Variants in BRPF3 observed in about 807,000 individuals in gnomAD.
BRPF3 encodes the protein bromodomain and PHD finger containing 3, also known as bromodomain and PHD finger-containing protein 3.
BRPF3 carries 18 observed loss-of-function variants against 102.0 expected under a neutral mutation model. The observed-to-expected ratio is 0.18, with a 90% confidence interval of 0.12 to 0.26. The LOEUF is 0.26. BRPF3 is among the 10% of genes least tolerant of loss of function. The probability of loss-of-function intolerance (pLI) is 1.00; values close to 1 mark genes in which losing one functional copy is unlikely to be tolerated. For synonymous variants in BRPF3, 570 were observed against 614.2 expected (o/e 0.93, Z 1.06); for missense variants, 1,147 against 1,567.8 (o/e 0.73, Z 4.53).
Position 36,212,691 on chromosome 6 carries a change from C to G in BRPF3, c.2482+1131C>G, listed in dbSNP as rs141159523. Among the ~76,000 whole-genome samples, 862 of 152,114 alleles carry G rather than the reference C, an allele frequency of 5.7e-3. 8 individuals carry two copies. Among genetic ancestry groups the G allele is most frequent in the Middle Eastern group, 0.031 (9 of 294 alleles). ...AGTTTCGGCCGGGCGCGGTGGCTCA[C>G]GCCTGTAATCCCAGCACTTTGGGAG... On this transcript the variant is annotated intron_variant, in intron 7 of 12. Transcript: ENST00000357641.
intron 10 of BRPF3, among the ~76,000 whole-genome samples, chr6:36,223,590 C>T (rs1189052378): frequency 6.6e-6 from 1 of 152,180 alleles, no homozygotes; most frequent in Non-Finnish European, 1.5e-5. Flanking sequence ...AACACATGCA[C>T]TTTTGTATTC....
chr6:36,224,044 T>A (rs1008610512), intron 10 of BRPF3, among the ~76,000 whole-genome samples: 6 of 152,214 alleles, frequency 3.9e-5, no homozygotes, highest in Non-Finnish European at 1.5e-5. Context: ...AAATAGTATC[T>A]TATAATTTTA....
chr6:36,217,905 T>C lies in BRPF3; in HGVS notation c.2990-12T>C. On this transcript the variant is annotated splice_polypyrimidine_tract_variant and intron_variant, in intron 8 of 12. Coordinates refer to ENST00000357641, the MANE Select transcript of BRPF3 (RefSeq NM_015695.3). ...TTTCTGCACTCAGACTCACTGTGTG[T>C]GTCCTTGGCAGGCATGACCAACGGC... The C allele has an allele frequency of 6.2e-7, 1 of 1,612,240 alleles. No homozygotes were observed. The highest frequency in any genetic ancestry group is 1.1e-5 in the South Asian group (1 of 90,868).
Position 36,201,740 on chromosome 6 carries a change from T to A in BRPF3, c.1418T>A (p.Met473Lys), listed in dbSNP as rs779083604. 3.7e-6 allele frequency: 6 copies of A among 1,611,176 alleles called. No homozygotes were observed. The highest frequency in any genetic ancestry group is 5.1e-6 in the Non-Finnish European group (6 of 1,178,434). The change falls in exon 2 of 13, where the codon ATG becomes AAG. Residue 473 changes from methionine to lysine, a missense_variant. Met to Lys is a moderately conservative substitution (Grantham distance 95). Around this residue, in one of 11 missense-constraint regions of BRPF3, gnomAD observed 157 missense variants for 163.6 expected, o/e 0.96. Coordinates refer to ENST00000357641, the MANE Select transcript of BRPF3 (RefSeq NM_015695.3). The surrounding 1 kb of genome is among the most constrained non-coding windows in gnomAD (Gnocchi z 5.1). ...AGQDTPSTLP[M>K]LAVPQIPSYR... Reference sequence around the variant, plus strand: ...CAAGACACACCCTCCACTCTCCCCATGCTTGCTGTCCCACAGATACCCTCT... The same window carrying A: ...CAAGACACACCCTCCACTCTCCCCAAGCTTGCTGTCCCACAGATACCCTCT...
intron 3 of BRPF3, among the ~76,000 whole-genome samples, chr6:36,205,928 C>T (rs573572004): frequency 2.0e-5 from 3 of 152,046 alleles, no homozygotes; most frequent in Admixed American, 6.5e-5. Context: ...ATCTTTTTTC[C>T]TCTCAGTAAA....
Position 36,203,581 on chromosome 6 carries a change from G to A in BRPF3, c.1449-1077G>A, listed in dbSNP as rs528347971. On this transcript the variant is annotated intron_variant, in intron 2 of 12. Transcript: ENST00000357641. ...CTTGATTTTATAAGCTTGGCTTTGG[G>A]GCAGGAATGTCTGACTGTGGAGAGG... is the stretch of plus-strand genomic sequence containing the variant. 5.9e-5 allele frequency among the ~76,000 whole-genome samples: 9 copies of A among 152,300 alleles called. No homozygotes were observed. In the South Asian group the frequency reaches 1.4e-3, roughly 25 times the overall value.
rs759896897 is a variant in BRPF3 at position 36,230,623 on chromosome 6, C to T, written c.*14C>T. 1 of 1,611,106 alleles carries T rather than the reference C, an allele frequency of 6.2e-7. No homozygotes were observed. The highest frequency in any genetic ancestry group is 1.7e-5 in the Admixed American group (1 of 59,886). On this transcript the variant is annotated 3_prime_UTR_variant, in exon 13 of 13. Coordinates refer to ENST00000357641, the MANE Select transcript of BRPF3 (RefSeq NM_015695.3). The surrounding 1 kb of genome is among the most constrained non-coding windows in gnomAD (Gnocchi z 5.4). ...AGCTACCTGTAAGGGCAGGGCTGGG[C>T]CTGCATCCGCTTGCCCTGCCTCCAT...
intron 4 of BRPF3, among the ~76,000 whole-genome samples, chr6:36,208,101 T>C (rs1473456154): frequency 6.6e-6 from 1 of 152,232 alleles, no homozygotes; most frequent in African/African-American, 2.4e-5. Context: ...AAGGTTGTTT[T>C]GAGGATTAGA....
At position 36,217,892 on chromosome 6, in the gene BRPF3, G is replaced by A. The variant is rs746075530; in HGVS notation, c.2990-25G>A. On this transcript the variant is annotated intron_variant, in intron 8 of 12. Transcript: ENST00000357641. ...TTGGGAAGGGGGATTTCTGCACTCA[G>A]ACTCACTGTGTGTGTCCTTGGCAGG... 6 of 1,608,540 alleles carry A rather than the reference G, an allele frequency of 3.7e-6. No homozygotes were observed. In the Admixed American group the frequency reaches 8.4e-5, roughly 22 times the overall value.
chr6:36,225,762 T>A (rs1224733795), intron 11 of BRPF3, among the ~76,000 whole-genome samples: 1 of 152,230 alleles, frequency 6.6e-6, no homozygotes, highest in East Asian at 1.9e-4. Context: ...TGATGATTTG[T>A]GGTCATTCAG....
In BRPF3 at chr6:36,212,572, G is replaced by GAA. The variant is rs1013260246; in HGVS notation, c.2482+1033_2482+1034dup. 6.4e-3 allele frequency among the ~76,000 whole-genome samples: 289 copies of GAA among 44,900 alleles called. 2 individuals are homozygous for GAA. The highest frequency in any genetic ancestry group is 0.019 in the African/African-American group (257 of 13,366). The allele number at this position is 44,900 out of a possible 152,430, so 29.5% of individuals were successfully genotyped here. ...CCCAGTAGGCCAACAGCATCACCTA[G>GAA]AAAAAAAAAAAAAAAAAAAAAAGGT... On this transcript the variant is annotated intron_variant, in intron 7 of 12. Coordinates refer to ENST00000357641, the MANE Select transcript of BRPF3 (RefSeq NM_015695.3).
intron 9 of BRPF3, among the ~76,000 whole-genome samples, chr6:36,219,361 A>G (rs1476913562): frequency 6.6e-6 from 1 of 152,210 alleles, no homozygotes; most frequent in African/African-American, 2.4e-5. Context: ...GAAAGATTTC[A>G]GAATCTTACA....
rs561747622 is a variant in BRPF3, at chr6:36,228,326, G to A, written c.3280-576G>A. On this transcript the variant is annotated intron_variant, in intron 11 of 12. Transcript: ENST00000357641. ...CCGTCTCTGAGCCAGGCAAGGTGGG[G>A]CTGGATGCCAGAAGCAAACCTGAAG... Among the ~76,000 whole-genome samples the A allele has an allele frequency of 3.5e-3, 529 of 152,312 alleles. 3 individuals are homozygous for A. Among genetic ancestry groups the A allele is most frequent in the African/African-American group, 0.012 (495 of 41,558 alleles).
At chr6:36,211,638 G>A (rs1040482167) in intron 7 of BRPF3, 78 bp downstream of exon 7, 3 of 1,474,350 alleles carry the variant, frequency 2.0e-6, no homozygotes, top group Middle Eastern at 2.0e-4. Context: ...CATAATGGGG[G>A]TATTCTTTCT....
chr6:36,200,243 T>A lies in BRPF3; in HGVS notation c.-26-54T>A. 1.3e-6 allele frequency: 2 copies of A among 1,482,324 alleles called. No individual in the cohort carries two copies. Among genetic ancestry groups the A allele is most frequent in the Non-Finnish European group, 1.8e-6 (2 of 1,120,048 alleles). The allele number at this position is 1,482,324 out of a possible 1,614,324, so 91.8% of individuals were successfully genotyped here. The stretch of plus-strand genomic sequence containing the variant: ...GTGGATGCTTGATCATATGGGAGGA[T>A]GAATGGGTGCATAAGGGCATCCAAC... On this transcript the variant is annotated intron_variant, in intron 1 of 12. Coordinates refer to ENST00000357641, the MANE Select transcript of BRPF3 (RefSeq NM_015695.3). The surrounding 1 kb of genome is among the most constrained non-coding windows in gnomAD (Gnocchi z 5.3).
Position 36,200,573 on chromosome 6 carries a change from C to T in BRPF3, c.251C>T (p.Pro84Leu). ...CNSNKENSEQ[P>L]QFPGKSKKPS... ...AGTAACAAGGAAAACAGTGAACAGC[C>T]TCAGTTCCCTGGCAAGTCCAAGAAA... The change falls in exon 2 of 13, where the codon CCT becomes CTT. Residue 84 changes from proline (P) to leucine (L), a missense_variant. Physicochemically the swap from Pro to Leu is moderately conservative, Grantham distance 98. Transcript: ENST00000357641. The surrounding 1 kb of genome is among the most constrained non-coding windows in gnomAD (Gnocchi z 5.3). 6.2e-7 allele frequency: 1 copy of T among 1,614,212 alleles called. No individual in the cohort carries two copies. The highest frequency in any genetic ancestry group is 8.5e-7 in the Non-Finnish European group (1 of 1,180,032).
Position 36,228,939 on chromosome 6 carries a change from A to G in BRPF3, c.3317A>G (p.His1106Arg). ...DPKMPREGLL[H>R]NGVPIPVPPL... ...AAGATGCCCCGGGAGGGCCTCCTGC[A>G]CAATGGCGTTCCCATCCCTGTCCCC... is the stretch of plus-strand genomic sequence containing the variant. The change falls in exon 12 of 13, where the codon CAC (histidine) becomes CGC (arginine). Residue 1106 changes from histidine to arginine, a missense_variant. Coordinates refer to ENST00000357641, the MANE Select transcript of BRPF3 (RefSeq NM_015695.3). 6.2e-7 allele frequency: 1 copy of G among 1,614,192 alleles called. No homozygotes were observed. Among genetic ancestry groups the G allele is most frequent in the Non-Finnish European group, 8.5e-7 (1 of 1,180,022 alleles).
chr6:36,208,358 G>C (rs1302051957), intron 4 of BRPF3, among the ~76,000 whole-genome samples: 1 of 152,144 alleles, frequency 6.6e-6, no homozygotes, highest in Non-Finnish European at 1.5e-5. Context: ...CTTTCTTGCC[G>C]GGCACAGTGG....
At chr6:36,204,595 C>T in intron 2 of BRPF3, 63 bp from the exon 3 acceptor site, 2 of 1,587,242 alleles carry the variant, frequency 1.3e-6, no homozygotes, top group Non-Finnish European at 1.7e-6. Flanking sequence ...GGATAGGATG[C>T]ACAGGCTGTA....
Sources: gnomAD v4.1 joint callset for allele counts (sites outside exome capture counted in the v4.1 genomes callset) on GRCh38, gnomAD v4.1.1 for gene constraint, gnomAD v4.1.1 regional missense constraint, Gnocchi (gnomAD v3.1) non-coding constraint, MANE v1.5 for transcripts, NCBI Gene and HGNC (gene_info 2026-07-23, HGNC 2026-07-21) for gene names.